The following NBAS variants were observed in gnomAD, a reference collection of about 807,000 sequenced individuals.
NBAS encodes the protein NAG/BC035112 fusion.
Under a neutral mutation model 302.5 loss-of-function variants are expected in NBAS, and 219 were observed. The ratio of observed to expected loss-of-function variants is 0.72; its 90% CI spans 0.65 to 0.81. The LOEUF (loss-of-function observed/expected upper bound fraction) is 0.81, where lower values mean the gene tolerates loss of function less well. NBAS is among the 30% of genes least tolerant of loss of function. The pLI is 0.00. For missense variants in NBAS, 2,932 were observed against 2,841.6 expected (o/e 1.03, Z -0.72); for synonymous variants, 1,118 against 1,021.6 (o/e 1.09, Z -1.80).
At chr2:15,036,775 T>G in the NBAS span, among the ~76,000 whole-genome samples, 1 of 152,060 alleles carries the variant, frequency 6.6e-6, no homozygotes, top group Admixed American at 6.6e-5. Context: ...TGCTTAAACA[T>G]TACTCACCCC....
In NBAS at chr2:15,488,901, T is replaced by G. The variant is rs1680744304; in HGVS notation, c.1076A>C (p.Asn359Thr). The G allele has an allele frequency of 6.2e-7, 1 of 1,613,574 alleles. No individual in the cohort carries two copies. Among genetic ancestry groups the G allele is most frequent in the Non-Finnish European group, 8.5e-7 (1 of 1,179,690 alleles). ...AATAACCAAGAGACGCACCTGCTCA[T>G]TTTGACCCCATTCCCCTTGTTGCTT... is the stretch of plus-strand genomic sequence containing the variant. ...SLKQQGEWGQ[N>T]EQPGYDDLNP... The change falls in exon 12 of 52, where the codon AAT becomes ACT. Residue 359 changes from asparagine to threonine, a missense_variant. Coordinates refer to ENST00000281513, the MANE Select transcript of NBAS (RefSeq NM_015909.4).
chr2:14,995,173 T>A, the NBAS span, among the ~76,000 whole-genome samples: 1 of 152,184 alleles, frequency 6.6e-6, no homozygotes, highest in African/African-American at 2.4e-5. Context: ...ACTTGTCATT[T>A]AACATTAGGT....
At chr2:15,018,874 G>A in the NBAS span, among the ~76,000 whole-genome samples, 36 of 151,472 alleles carry the variant, frequency 2.4e-4, no homozygotes, top group African/African-American at 8.2e-4. Context: ...TTTCCTCTTT[G>A]TTTATATCCA....
chr2:15,163,220 G>A (rs1244602259), downstream of NBAS, among the ~76,000 whole-genome samples: 1 of 152,232 alleles, frequency 6.6e-6, no homozygotes, highest in African/African-American at 2.4e-5. Flanking sequence ...GAAGAGAAGT[G>A]GAGTTGAGAG....
the NBAS span, among the ~76,000 whole-genome samples, chr2:15,126,008 A>C: frequency 6.6e-6 from 1 of 152,168 alleles, no homozygotes; most frequent in East Asian, 1.9e-4. Context: ...GTCTTCTTCA[A>C]ATCTCACGTT....
At chr2:14,906,547 G>A in the NBAS span, among the ~76,000 whole-genome samples, 1 of 152,124 alleles carries the variant, frequency 6.6e-6, no homozygotes, top group African/African-American at 2.4e-5. Context: ...ACTCGCTATT[G>A]TTCCTACCCA....
the NBAS span, among the ~76,000 whole-genome samples, chr2:14,936,730 G>A: frequency 6.6e-6 from 1 of 152,160 alleles, no homozygotes; most frequent in East Asian, 1.9e-4. Context: ...CTGGAGATAC[G>A]TGCTGGAAAG....
intron 35 of NBAS, among the ~76,000 whole-genome samples, chr2:15,351,676 A>G (rs1314273855): frequency 6.6e-5 from 10 of 151,794 alleles, no homozygotes; most frequent in African/African-American, 2.4e-4. Context: ...GACTCCATAG[A>G]AAAAAAAGGA....
the NBAS span, among the ~76,000 whole-genome samples, chr2:15,032,552 T>A: frequency 6.7e-4 from 102 of 152,224 alleles, no homozygotes; most frequent in Middle Eastern, 6.8e-3. Context: ...TGTAGTAAAA[T>A]ACAAGGAGAG....
chr2:14,827,857 G>T, the NBAS span, among the ~76,000 whole-genome samples: 92 of 152,298 alleles, frequency 6.0e-4, no homozygotes, highest in Admixed American at 1.6e-3. Context: ...AGATGAGTAA[G>T]TTCCAAAGAC....
chr2:14,862,780 T>C, the NBAS span, among the ~76,000 whole-genome samples: 1 of 152,182 alleles, frequency 6.6e-6, no homozygotes, highest in Non-Finnish European at 1.5e-5. Flanking sequence ...CTAAGTGGCT[T>C]AAGCCAGTGA....
chr2:14,877,631 T>G, the NBAS span, among the ~76,000 whole-genome samples: 1 of 151,672 alleles, frequency 6.6e-6, no homozygotes, highest in South Asian at 2.1e-4. Context: ...AAAACATGGG[T>G]TTTCAAGATT....
At chr2:15,526,198 A>T (rs1030578264) in intron 9 of NBAS, among the ~76,000 whole-genome samples, 3 of 152,204 alleles carry the variant, frequency 2.0e-5, no homozygotes, top group Non-Finnish European at 4.4e-5. Flanking sequence ...CTGGAATGAG[A>T]TAGTCTGCGT....
At chr2:15,410,781 G>A (rs932876036) in intron 25 of NBAS, among the ~76,000 whole-genome samples, 4 of 151,854 alleles carry the variant, frequency 2.6e-5, no homozygotes, top group African/African-American at 7.3e-5. Context: ...TATTCCATGC[G>A]GGCATCTAAA....
chr2:15,336,654 C>G (rs1290841541), intron 35 of NBAS, among the ~76,000 whole-genome samples: 2 of 152,010 alleles, frequency 1.3e-5, no homozygotes. Flanking sequence ...TGCTTGAACC[C>G]AGGAGGCAAA....
chr2:14,953,542 G>T, the NBAS span, among the ~76,000 whole-genome samples: 1 of 152,192 alleles, frequency 6.6e-6, no homozygotes, highest in African/African-American at 2.4e-5. Flanking sequence ...CCCATGGAGT[G>T]GTGGATGTGG....
chr2:15,428,358 C>T (rs1223577925), intron 21 of NBAS, among the ~76,000 whole-genome samples: 1 of 152,092 alleles, frequency 6.6e-6, no homozygotes, highest in Non-Finnish European at 1.5e-5. Flanking sequence ...TATTAGATAG[C>T]ACAGACCTAG....
chr2:14,988,849 T>C, the NBAS span, among the ~76,000 whole-genome samples: 2 of 152,148 alleles, frequency 1.3e-5, no homozygotes, highest in East Asian at 3.8e-4. Flanking sequence ...TTTGCAAATT[T>C]GTAAGACTAG....
At chr2:14,798,747 A>T in the NBAS span, among the ~76,000 whole-genome samples, 1 of 152,012 alleles carries the variant, frequency 6.6e-6, no homozygotes, top group Admixed American at 6.6e-5. Context: ...AGTGTATCTT[A>T]AAAAAATATA....
Sources: gnomAD v4.1 joint callset for allele counts (sites outside exome capture counted in the v4.1 genomes callset) on GRCh38, gnomAD v4.1.1 for gene constraint, MANE v1.5 for transcripts, NCBI Gene and HGNC (gene_info 2026-07-23, HGNC 2026-07-21) for gene names.